HMGA2: variants seen among roughly 807,000 people sequenced by gnomAD.
HMGA2 encodes high mobility group protein HMGI-C.
In HMGA2, 8 loss-of-function variants were observed where a neutral mutation model predicts 19.1. That is an observed-to-expected ratio of 0.42 (90% CI 0.25 to 0.76). The LOEUF is 0.76. Among genes scored for constraint, HMGA2 ranks in the 30% least tolerant of loss-of-function variants. The probability of loss-of-function intolerance (pLI) is 0.28; values close to 1 mark genes in which losing one functional copy is unlikely to be tolerated. For missense variants in HMGA2, 109 were observed against 136.3 expected (o/e 0.80, Z 1.00); for synonymous variants, 60 against 48.8 (o/e 1.23, Z -0.96).
At position 65,906,316 on chromosome 12, in the gene HMGA2, G is replaced by T. The variant is rs184392105; in HGVS notation, c.250-45067G>T. Among the ~76,000 whole-genome samples, 53 of 152,232 alleles carry T rather than the reference G, an allele frequency of 3.5e-4. No individual in the cohort carries two copies. The East Asian group carries it at 9.7e-3, about 28-fold the overall frequency. On this transcript the variant is annotated intron_variant, in intron 3 of 4. Coordinates refer to ENST00000403681, the MANE Select transcript of HMGA2 (RefSeq NM_003483.6). ...TGGGAGAGGTGAGGGGACTGTCAGG[G>T]GTCACTTGGGGGGTCAGTGCCTCCG...
intron 3 of HMGA2, among the ~76,000 whole-genome samples, chr12:65,931,192 AT>A (rs937948932): frequency 3.3e-5 from 5 of 151,944 alleles, no homozygotes; most frequent in Non-Finnish European, 7.4e-5. Context: ...TGGTTATTGG[AT>A]TTTTTTTAAC....
Position 65,889,139 on chromosome 12 carries a change from C to T in HMGA2, c.249+50570C>T, listed in dbSNP as rs114051453. Among the ~76,000 whole-genome samples the T allele has an allele frequency of 7.1e-3, 1,087 of 152,278 alleles. 12 individuals carry two copies. The highest frequency in any genetic ancestry group is 0.025 in the African/African-American group (1,031 of 41,538). On this transcript the variant is annotated intron_variant, in intron 3 of 4. Transcript: ENST00000403681. ...ATATTAGTTGTGCCCATTTTAATCT[C>T]CTGAACTTTATGACCCTTGTCCAAT...
intron 3 of HMGA2, among the ~76,000 whole-genome samples, chr12:65,882,920 T>C (rs889769214): frequency 6.6e-6 from 1 of 152,216 alleles, no homozygotes; most frequent in Non-Finnish European, 1.5e-5. Context: ...TGATTATATG[T>C]TTTTGTTCAG....
At chr12:65,906,108 A>G (rs1487693737) in intron 3 of HMGA2, among the ~76,000 whole-genome samples, 1 of 152,218 alleles carries the variant, frequency 6.6e-6, no homozygotes, top group African/African-American at 2.4e-5. Flanking sequence ...TTGCTGTTCC[A>G]TATGTTAATT....
chr12:65,911,027 G>A (rs947068545), intron 3 of HMGA2, among the ~76,000 whole-genome samples: 4 of 152,164 alleles, frequency 2.6e-5, no homozygotes, highest in African/African-American at 9.7e-5. Context: ...AGATTCTGCA[G>A]CAATGGGCAA....
At chr12:65,900,527 A>T (rs1874328432) in intron 3 of HMGA2, among the ~76,000 whole-genome samples, 1 of 152,212 alleles carries the variant, frequency 6.6e-6, no homozygotes, top group Non-Finnish European at 1.5e-5. Flanking sequence ...TTTTCCTCTT[A>T]GTAGCCACAG....
intron 3 of HMGA2, among the ~76,000 whole-genome samples, chr12:65,905,392 C>T (rs1874549109): frequency 6.6e-6 from 1 of 151,836 alleles, no homozygotes; most frequent in Non-Finnish European, 1.5e-5. Flanking sequence ...TATGGGATTC[C>T]ATTGTATTTT....
At chr12:65,920,417 C>A (rs1875264126) in intron 3 of HMGA2, among the ~76,000 whole-genome samples, 1 of 152,224 alleles carries the variant, frequency 6.6e-6, no homozygotes, top group African/African-American at 2.4e-5. Flanking sequence ...AGACAAGGAA[C>A]ATGTAGATTT....
intron 3 of HMGA2, among the ~76,000 whole-genome samples, chr12:65,895,581 C>G (rs1874092751): frequency 6.6e-6 from 1 of 152,058 alleles, no homozygotes; most frequent in Non-Finnish European, 1.5e-5. Context: ...GACCCCGGCT[C>G]TTGTATAATA....
intron 3 of HMGA2, among the ~76,000 whole-genome samples, chr12:65,907,524 A>C (rs185853649): frequency 3.1e-4 from 47 of 152,186 alleles, no homozygotes; most frequent in African/African-American, 1.1e-3. Flanking sequence ...ACAATCAATT[A>C]ACTAGCATAA....
At chr12:65,862,718 AG>A (rs1872170812) in intron 3 of HMGA2, among the ~76,000 whole-genome samples, 1 of 152,172 alleles carries the variant, frequency 6.6e-6, no homozygotes, top group Non-Finnish European at 1.5e-5. Flanking sequence ...TCATGTACTT[AG>A]TGTGTGTGAA....
intron 3 of HMGA2, among the ~76,000 whole-genome samples, chr12:65,888,721 G>T (rs187387736): frequency 2.7e-5 from 4 of 150,786 alleles, no homozygotes; most frequent in Non-Finnish European, 4.4e-5. Flanking sequence ...CCGCCACCAC[G>T]CCCGGCTAAC....
At chr12:65,926,238 G>A (rs1228112093) in intron 3 of HMGA2, among the ~76,000 whole-genome samples, 1 of 152,202 alleles carries the variant, frequency 6.6e-6, no homozygotes, top group Non-Finnish European at 1.5e-5. Context: ...GAGTCTTGTG[G>A]TTGAGCATTC....
intron 3 of HMGA2, among the ~76,000 whole-genome samples, chr12:65,847,578 A>T (rs1282589641): frequency 6.6e-6 from 1 of 152,192 alleles, no homozygotes; most frequent in African/African-American, 2.4e-5. Context: ...CAGCAAAGTG[A>T]TTAAGAGCTC....
At chr12:65,842,140 G>A in intron 3 of HMGA2, 1 of 1,286,406 alleles carries the variant, frequency 7.8e-7, no homozygotes, top group Non-Finnish European at 1.0e-6. Context: ...ATAGTTAAGA[G>A]CTCAGGCTCT....
In HMGA2 at chr12:65,964,973, T is replaced by G. The variant is rs1876865882; in HGVS notation, c.*1681T>G. On this transcript the variant is annotated 3_prime_UTR_variant, in exon 5 of 5. Transcript: ENST00000403681. Reference sequence around the variant, plus strand: ...ACTTGCAAAGACCTACCTCCAGACTTCAAAAGGAATGAACTTGTTACTTGC... The same window carrying G: ...ACTTGCAAAGACCTACCTCCAGACTGCAAAAGGAATGAACTTGTTACTTGC... 1.1e-5 allele frequency: 2 copies of G among 188,126 alleles called. No homozygotes were observed. Among genetic ancestry groups the G allele is most frequent in the Non-Finnish European group, 2.2e-5 (2 of 89,096 alleles). The allele number at this position is 188,126 out of a possible 1,614,324, so 11.7% of individuals were successfully genotyped here.
chr12:65,882,335 C>G (rs1336829618), intron 3 of HMGA2, among the ~76,000 whole-genome samples: 1 of 152,182 alleles, frequency 6.6e-6, no homozygotes, highest in Non-Finnish European at 1.5e-5. Context: ...TGTAGCAGGT[C>G]CAGCAGCAAA....
chr12:65,958,190 C>T (rs1026963740), intron 4 of HMGA2: 2 of 152,194 alleles, frequency 1.3e-5, no homozygotes, highest in African/African-American at 4.8e-5. Context: ...AGACCTTCAA[C>T]CCAACTTTAT....
intron 3 of HMGA2, among the ~76,000 whole-genome samples, chr12:65,933,264 A>G (rs1019055578): frequency 1.3e-5 from 2 of 152,154 alleles, no homozygotes; most frequent in Non-Finnish European, 2.9e-5. Context: ...CGTGCTTCGT[A>G]AACATGGTCT....
Sources: gnomAD v4.1 joint callset for allele counts (sites outside exome capture counted in the v4.1 genomes callset) on GRCh38, gnomAD v4.1.1 for gene constraint, MANE v1.5 for transcripts, NCBI Gene and HGNC (gene_info 2026-07-23, HGNC 2026-07-21) for gene names.